The following QTMAN variants were observed in gnomAD, a reference collection of about 807,000 sequenced individuals.
QTMAN encodes the protein tRNA-queuosine alpha-mannosyltransferase.
chr2:143,963,364 G>GA, the QTMAN span, among the ~76,000 whole-genome samples: 1 of 151,980 alleles, frequency 6.6e-6, no homozygotes, highest in East Asian at 1.9e-4. Flanking sequence ...ATTTCACTAA[G>GA]AAAAAATACT....
chr2:144,068,335 T>C, the QTMAN span, among the ~76,000 whole-genome samples: 2 of 152,200 alleles, frequency 1.3e-5, no homozygotes, highest in Admixed American at 6.5e-5. Flanking sequence ...AAAAAAATGA[T>C]TATGAATCCA....
chr2:144,084,610 T>G, the QTMAN span, among the ~76,000 whole-genome samples: 1 of 152,200 alleles, frequency 6.6e-6, no homozygotes, highest in Non-Finnish European at 1.5e-5. Flanking sequence ...ATTTTACAAC[T>G]ATTTCTCTGG....
chr2:144,310,530 G>A, the QTMAN span, among the ~76,000 whole-genome samples: 1 of 152,228 alleles, frequency 6.6e-6, no homozygotes, highest in Admixed American at 6.5e-5. Flanking sequence ...TTCAGGTTGT[G>A]AGAAAAAGCT....
At chr2:144,241,974 G>T in the QTMAN span, among the ~76,000 whole-genome samples, 1 of 152,128 alleles carries the variant, frequency 6.6e-6, no homozygotes, top group Non-Finnish European at 1.5e-5. Flanking sequence ...GTGGAAAACA[G>T]AAATAACTCA....
At chr2:144,044,396 A>G in the QTMAN span, among the ~76,000 whole-genome samples, 3 of 152,240 alleles carry the variant, frequency 2.0e-5, no homozygotes, top group East Asian at 5.8e-4. Context: ...CAATTTCATA[A>G]AAGGGAGGAA....
At chr2:144,219,882 C>T in the QTMAN span, among the ~76,000 whole-genome samples, 1 of 152,104 alleles carries the variant, frequency 6.6e-6, no homozygotes, top group African/African-American at 2.4e-5. Context: ...ATTGATACTG[C>T]TCTCATCTCC....
At chr2:144,133,457 ATATATAT>A in the QTMAN span, among the ~76,000 whole-genome samples, 71 of 39,576 alleles carry the variant, frequency 1.8e-3, no homozygotes, top group African/African-American at 6.1e-3. Context: ...ATAATATATA[ATATATAT>A]TATATATTAT....
the QTMAN span, among the ~76,000 whole-genome samples, chr2:144,098,847 GAA>G: frequency 2.2e-5 from 3 of 134,426 alleles, no homozygotes; most frequent in South Asian, 2.3e-4. Context: ...ATTTCTCTTA[GAA>G]AAAAAAAAAA....
At chr2:144,124,619 G>A in the QTMAN span, among the ~76,000 whole-genome samples, 3 of 152,052 alleles carry the variant, frequency 2.0e-5, no homozygotes, top group Admixed American at 2.0e-4. Context: ...GCAGGTTTCA[G>A]AGCCAGGGCC....
At chr2:144,085,675 T>A in the QTMAN span, among the ~76,000 whole-genome samples, 1 of 152,170 alleles carries the variant, frequency 6.6e-6, no homozygotes, top group South Asian at 2.1e-4. Flanking sequence ...ATGAGGGGGA[T>A]GTGAACCAGG....
chr2:144,081,689 C>A, the QTMAN span, among the ~76,000 whole-genome samples: 1 of 151,988 alleles, frequency 6.6e-6, no homozygotes, highest in African/African-American at 2.4e-5. Flanking sequence ...GGAAGACCTG[C>A]GGGGAACAGG....
At chr2:144,296,499 GA>G in the QTMAN span, among the ~76,000 whole-genome samples, 7 of 151,868 alleles carry the variant, frequency 4.6e-5, no homozygotes, top group Admixed American at 2.0e-4. Context: ...AATTATGACT[GA>G]AAAAAATATT....
chr2:144,234,507 G>A, the QTMAN span, among the ~76,000 whole-genome samples: 1 of 152,110 alleles, frequency 6.6e-6, no homozygotes, highest in Non-Finnish European at 1.5e-5. Flanking sequence ...TTTACACTAA[G>A]CTCAGCATCA....
chr2:144,122,256 T>C, the QTMAN span, among the ~76,000 whole-genome samples: 2 of 152,336 alleles, frequency 1.3e-5, no homozygotes, highest in Middle Eastern at 6.8e-3. Context: ...GCAGTACTTC[T>C]ATGCAATTTA....
chr2:143,998,189 A>C, the QTMAN span, among the ~76,000 whole-genome samples: 3 of 152,096 alleles, frequency 2.0e-5, no homozygotes, highest in African/African-American at 4.8e-5. Context: ...TTCTCATCTC[A>C]GAAACATATC....
chr2:144,196,276 T>C, the QTMAN span, among the ~76,000 whole-genome samples: 1 of 151,894 alleles, frequency 6.6e-6, no homozygotes, highest in African/African-American at 2.4e-5. Context: ...TGCTTTGAAT[T>C]ATATTGGCTT....
At chr2:144,018,918 T>C in the QTMAN span, among the ~76,000 whole-genome samples, 2 of 152,204 alleles carry the variant, frequency 1.3e-5, no homozygotes, top group African/African-American at 2.4e-5. Flanking sequence ...GTGACCTCCA[T>C]GATAACTACA....
chr2:144,187,989 C>A, the QTMAN span, among the ~76,000 whole-genome samples: 1 of 152,102 alleles, frequency 6.6e-6, no homozygotes, highest in South Asian at 2.1e-4. Context: ...ATGCAGCTTA[C>A]AAGCCAAAAA....
the QTMAN span, among the ~76,000 whole-genome samples, chr2:144,144,411 G>T: frequency 2.6e-5 from 4 of 151,592 alleles, no homozygotes; most frequent in Admixed American, 6.6e-5. Flanking sequence ...ATTTCTCAGG[G>T]GTAATAAACA....
Sources: allele counts gnomAD v4.1 joint callset (sites outside exome capture counted in the v4.1 genomes callset), GRCh38; gene constraint gnomAD v4.1.1; transcripts MANE v1.5; gene names NCBI Gene and HGNC (gene_info 2026-07-23, HGNC 2026-07-21).